The following MS4A5 variants were observed in gnomAD, a reference collection of about 807,000 sequenced individuals.
MS4A5 encodes the protein membrane-spanning 4-domains subfamily A member 5.
MS4A5 carries 15 observed loss-of-function variants against 18.2 expected under a neutral mutation model. The observed-to-expected ratio is 0.83, with a 90% confidence interval of 0.55 to 1.27. The LOEUF (loss-of-function observed/expected upper bound fraction) is 1.27. Ranked by LOEUF, MS4A5 falls within the 50% of genes most tolerant of loss-of-function variation. The pLI, the probability that MS4A5 is intolerant of heterozygous loss-of-function variation, is 0.00. For synonymous variants in MS4A5, 89 were observed against 78.7 expected, an observed-to-expected ratio of 1.13 and a Z score of -0.69; for missense variants, 232 against 225.7, an observed-to-expected ratio of 1.03 and a Z score of -0.18.
chr11:60,447,142 A>G (rs1273873783), intron 4 of MS4A5, among the ~76,000 whole-genome samples: 1 of 144,474 alleles, frequency 6.9e-6, no homozygotes, highest in East Asian at 2.0e-4. Context: ...ATGCTATGCT[A>G]TGCTATGCTA....
At chr11:60,443,076 A>G (rs945224298) in intron 4 of MS4A5, among the ~76,000 whole-genome samples, 1 of 152,090 alleles carries the variant, frequency 6.6e-6, no homozygotes, top group African/African-American at 2.4e-5. Flanking sequence ...GGGAGGCGGA[A>G]GTTGAAGTGA....
intron 4 of MS4A5, 147 bp from the exon 5 acceptor site, chr11:60,447,502 C>G: frequency 1.7e-6 from 1 of 587,476 alleles, no homozygotes; most frequent in Non-Finnish European, 3.0e-6. Flanking sequence ...AAATCCTTCA[C>G]TGATTTGATT....
rs769599167 is a variant in MS4A5, at chr11:60,433,938, G to T, written c.492+21G>T. ...TCTTGGTAAGTATGTTGCATTTATA[G>T]AGTGATGAGTAAAGGGCTTAATAGA... On this transcript the variant is annotated intron_variant, in intron 4 of 4. Transcript: ENST00000300190. 3 of 1,608,516 alleles carry T rather than the reference G, an allele frequency of 1.9e-6. No homozygotes were observed. In the African/African-American group the frequency reaches 4.0e-5, roughly 22 times the overall value.
At chr11:60,434,827 C>T (rs1590831454) in intron 4 of MS4A5, among the ~76,000 whole-genome samples, 1 of 152,100 alleles carries the variant, frequency 6.6e-6, no homozygotes, top group African/African-American at 2.4e-5. Context: ...CAATCCCTGG[C>T]CCATGTGGAC....
At position 60,441,176 on chromosome 11, in the gene MS4A5, A is replaced by G. The variant is rs1416806289; in HGVS notation, c.493-6473A>G. ...ATCATTCTCAGTAATCTATCGCAAG[A>G]ACAAAAAACCAAACACCGCATATTC... On this transcript the variant is annotated intron_variant, in intron 4 of 4. Coordinates refer to ENST00000300190, the MANE Select transcript of MS4A5 (RefSeq NM_023945.3). Among the ~76,000 whole-genome samples the G allele has an allele frequency of 3.0e-5, 4 of 132,824 alleles. No homozygotes were observed. In the South Asian group the frequency reaches 1.0e-3, roughly 34 times the overall value. The allele number at this position is 132,824 out of a possible 152,430, so 87.1% of individuals were successfully genotyped here. A position where few individuals can be genotyped will look rare whatever the true frequency, so the allele number is the denominator to read the frequency against.
chr11:60,435,838 G>C (rs4636687), intron 4 of MS4A5, among the ~76,000 whole-genome samples: 1 of 151,662 alleles, frequency 6.6e-6, no homozygotes, highest in African/African-American at 2.4e-5. Flanking sequence ...ACTGCAAGGC[G>C]GCAGCAAGGC....
chr11:60,444,755 C>A (rs576609680), intron 4 of MS4A5, among the ~76,000 whole-genome samples: 129 of 152,244 alleles, frequency 8.5e-4, no homozygotes, highest in Non-Finnish European at 1.3e-3. Flanking sequence ...AAAAGGACCA[C>A]CAATACCGGG....
chr11:60,439,037 C>A (rs1234034396), intron 4 of MS4A5, among the ~76,000 whole-genome samples: 1 of 73,572 alleles, frequency 1.4e-5, no homozygotes, highest in South Asian at 4.8e-4. Context: ...AAAATACTGG[C>A]AAACTGAATC....
At chr11:60,436,036 G>C (rs2086078374) in intron 4 of MS4A5, among the ~76,000 whole-genome samples, 1 of 152,190 alleles carries the variant, frequency 6.6e-6, no homozygotes, top group Non-Finnish European at 1.5e-5. Flanking sequence ...GTCCCTGTCT[G>C]ACAGCTTTGA....
rs767896717 is a variant in MS4A5, at chr11:60,429,845, C to T, written c.153+18C>T. 3 of 1,607,944 alleles carry T rather than the reference C, an allele frequency of 1.9e-6. No individual in the cohort carries two copies. Among genetic ancestry groups the T allele is most frequent in the Non-Finnish European group, 1.7e-6 (2 of 1,177,948 alleles). Reference sequence around the variant, plus strand: ...TCTTAGGGGTAAGTAAGACTTGCCCCTATGTATATTTTACTGAGGCAGGGG... The same window carrying T: ...TCTTAGGGGTAAGTAAGACTTGCCCTTATGTATATTTTACTGAGGCAGGGG... On this transcript the variant is annotated intron_variant, in intron 1 of 4. Transcript: ENST00000300190.
Position 60,432,463 on chromosome 11 carries a change from C to T in MS4A5, c.335C>T (p.Thr112Ile). 1.3e-6 allele frequency: 2 copies of T among 1,578,768 alleles called. No individual in the cohort carries two copies. Among genetic ancestry groups the T allele is most frequent in the Non-Finnish European group, 1.7e-6 (2 of 1,151,104 alleles). ...GCAGTGAAAAGAAAAACCACAGAAA[C>T]TCTGGTGAGTTATATTCTTACTTTA... ...LIAVKRKTTE[T>I]LIILSRIMNF... Residue 112 changes from threonine to isoleucine, a missense_variant, in exon 3 of 5, where the codon ACT becomes ATT. Thr to Ile is a moderately conservative substitution (Grantham distance 89). Coordinates refer to ENST00000300190, the MANE Select transcript of MS4A5 (RefSeq NM_023945.3).
At chr11:60,444,656 G>C (rs1413619095) in intron 4 of MS4A5, among the ~76,000 whole-genome samples, 2 of 152,176 alleles carry the variant, frequency 1.3e-5, no homozygotes, top group East Asian at 1.9e-4. Flanking sequence ...GAGCATATGA[G>C]AACGTGCTCA....
rs1203037356 is a variant in MS4A5 at position 60,441,459 on chromosome 11, AAAAAAAAAG to A, written c.493-6181_493-6173del. Among the ~76,000 whole-genome samples the A allele has an allele frequency of 3.0e-3, 400 of 132,088 alleles. 2 individuals carry two copies. Among genetic ancestry groups the A allele is most frequent in the African/African-American group, 9.9e-3 (378 of 38,192 alleles). 86.7% of individuals were successfully genotyped at this position (132,088 alleles called of 152,430 possible). ...AAAAGAAAAAGAAAAAGGCCATTAA[AAAAAAAAAG>A]AAAAAAAAAGAAAGGAGATAAGCCA... On this transcript the variant is annotated intron_variant, in intron 4 of 4. Transcript: ENST00000300190.
chr11:60,430,015 G>A (rs61898322), intron 1 of MS4A5, among the ~76,000 whole-genome samples, 188 bp downstream of exon 1: 5,458 of 152,172 alleles, frequency 0.036, 76 homozygotes, highest in Non-Finnish European at 0.046. Context: ...GTCTGGACTT[G>A]ACAAAAAATG....
intron 3 of MS4A5, 113 bp downstream of exon 3, chr11:60,432,580 G>T (rs2135171273): frequency 3.6e-6 from 2 of 547,980 alleles, no homozygotes; most frequent in South Asian, 4.4e-5. Context: ...GAGGTCAGGA[G>T]TTCAAGACCA....
At position 60,442,434 on chromosome 11, in the gene MS4A5, G is replaced by A. The variant is rs370791379; in HGVS notation, c.493-5215G>A. ...ATGTTCTCACTCATAAGTGAGAGTT[G>A]AACAATGAGAAGACATGGACACAGG... On this transcript the variant is annotated intron_variant, in intron 4 of 4. Coordinates refer to ENST00000300190, the MANE Select transcript of MS4A5 (RefSeq NM_023945.3). Among the ~76,000 whole-genome samples the A allele has an allele frequency of 6.8e-4, 104 of 152,232 alleles. 2 individuals carry two copies. The South Asian group carries it at 0.02, about 30-fold the overall frequency.
chr11:60,447,557 A>G (rs2086147939), intron 4 of MS4A5, 92 bp from the exon 5 acceptor site: 1 of 673,520 alleles, frequency 1.5e-6, no homozygotes, highest in Non-Finnish European at 2.5e-6. Context: ...AGCTTTTATT[A>G]TCTGGGCATC....
intron 4 of MS4A5, among the ~76,000 whole-genome samples, chr11:60,437,500 C>T (rs1357329347): frequency 6.6e-6 from 1 of 152,008 alleles, no homozygotes. Context: ...GAGTCAAGAC[C>T]CATCAGTGTG....
Position 60,431,587 on chromosome 11 carries a change from G to A in MS4A5, c.282+663G>A, listed in dbSNP as rs561887678. Among the ~76,000 whole-genome samples, 8 of 152,226 alleles carry A rather than the reference G, an allele frequency of 5.3e-5. No homozygotes were observed. The South Asian group carries it at 1.5e-3, about 28-fold the overall frequency. On this transcript the variant is annotated intron_variant, in intron 2 of 4. Coordinates refer to ENST00000300190, the MANE Select transcript of MS4A5 (RefSeq NM_023945.3). ...GTGTGATGAGGGAGAATAAACACAG[G>A]GGCTGCCTCCATAGGAAAGGCATCA...
Sources: gnomAD v4.1 joint callset for allele counts (sites outside exome capture counted in the v4.1 genomes callset) on GRCh38, gnomAD v4.1.1 for gene constraint, MANE v1.5 for transcripts, NCBI Gene and HGNC (gene_info 2026-07-23, HGNC 2026-07-21) for gene names.